TMOD3: variants seen among roughly 807,000 people sequenced by gnomAD.
TMOD3 encodes tropomodulin 3.
TMOD3 carries 20 observed loss-of-function variants against 39.2 expected under a neutral mutation model. The ratio of observed to expected loss-of-function variants is 0.51; its 90% CI spans 0.36 to 0.74. The LOEUF (loss-of-function observed/expected upper bound fraction) is 0.74, where lower values mean the gene tolerates loss of function less well. TMOD3 is among the 30% of genes least tolerant of loss of function. The pLI, the probability that TMOD3 is intolerant of heterozygous loss-of-function variation, is 0.00. For missense variants in TMOD3, 381 were observed against 412.8 expected (o/e 0.92, Z 0.67); for synonymous variants, 143 against 145.8 (o/e 0.98, Z 0.14).
chr15:51,903,324 A>C (rs1411214471), intron 9 of TMOD3, among the ~76,000 whole-genome samples: 1 of 152,272 alleles, frequency 6.6e-6, no homozygotes, highest in African/African-American at 2.4e-5. Flanking sequence ...TGACTCTTTT[A>C]AATTAGGATG....
intron 5 of TMOD3, among the ~76,000 whole-genome samples, chr15:51,891,090 A>G (rs1334474910): frequency 6.6e-6 from 1 of 152,138 alleles, no homozygotes; most frequent in Non-Finnish European, 1.5e-5. Flanking sequence ...TATTTTCTTC[A>G]TATCATGTAA....
chr15:51,892,791 A>G (rs1169853972), intron 5 of TMOD3, among the ~76,000 whole-genome samples: 2 of 152,164 alleles, frequency 1.3e-5, no homozygotes, highest in Admixed American at 6.5e-5. Flanking sequence ...GAGATGCTAG[A>G]TTTTATCATA....
intron 3 of TMOD3, among the ~76,000 whole-genome samples, chr15:51,874,759 T>A (rs1411878499): frequency 6.6e-6 from 1 of 152,044 alleles, no homozygotes; most frequent in Non-Finnish European, 1.5e-5. Flanking sequence ...AGACTAAGAA[T>A]TTTTTTTCCC....
intron 1 of TMOD3, among the ~76,000 whole-genome samples, chr15:51,858,570 GT>G (rs1171956485): frequency 2.0e-5 from 3 of 151,856 alleles, no homozygotes; most frequent in Admixed American, 6.6e-5. Flanking sequence ...ATTTGCTTGT[GT>G]TTTTTTTCCC....
chr15:51,842,833 A>C (rs1232691163), intron 1 of TMOD3, among the ~76,000 whole-genome samples: 4 of 152,046 alleles, frequency 2.6e-5, no homozygotes, highest in Non-Finnish European at 5.9e-5. Context: ...CTCTTGAAAA[A>C]CCTATTGTAA....
chr15:51,878,258 A>G (rs1391522693), intron 3 of TMOD3, among the ~76,000 whole-genome samples: 1 of 152,140 alleles, frequency 6.6e-6, no homozygotes, highest in Non-Finnish European at 1.5e-5. Context: ...CTGGCCAGGT[A>G]TGGTAACTCA....
chr15:51,877,401 C>G (rs973189198), intron 3 of TMOD3, among the ~76,000 whole-genome samples: 15 of 152,024 alleles, frequency 9.9e-5, no homozygotes, highest in African/African-American at 3.6e-4. Flanking sequence ...TTAGGTGGGC[C>G]AGGCACGGTG....
chr15:51,898,218 C>A (rs1463615137), intron 7 of TMOD3, among the ~76,000 whole-genome samples: 1 of 152,218 alleles, frequency 6.6e-6, no homozygotes, highest in Non-Finnish European at 1.5e-5. Flanking sequence ...CTTCAGCATG[C>A]CATGTGGACT....
At chr15:51,886,109 G>A (rs180676592) in intron 3 of TMOD3, among the ~76,000 whole-genome samples, 4,702 of 151,922 alleles carry the variant, frequency 0.031, 114 homozygotes, top group Non-Finnish European at 0.05. Flanking sequence ...CAGACGGGGT[G>A]GCGGTCGGGC....
At chr15:51,898,618 C>T (rs1405314053) in intron 7 of TMOD3, among the ~76,000 whole-genome samples, 1 of 152,188 alleles carries the variant, frequency 6.6e-6, no homozygotes, top group Non-Finnish European at 1.5e-5. Context: ...GGTCACATAG[C>T]TAGTTGTTGC....
intron 1 of TMOD3, among the ~76,000 whole-genome samples, chr15:51,850,039 T>G (rs2056353681): frequency 6.6e-6 from 1 of 151,782 alleles, no homozygotes; most frequent in East Asian, 1.9e-4. Flanking sequence ...GAAAGCCAGA[T>G]GGGAGAATAT....
intron 3 of TMOD3, among the ~76,000 whole-genome samples, chr15:51,881,244 C>G (rs1193841997): frequency 6.6e-6 from 1 of 151,556 alleles, no homozygotes; most frequent in African/African-American, 2.4e-5. Flanking sequence ...TATACATATT[C>G]TTTGTAGAAA....
At chr15:51,867,105 T>C (rs1326183723) in intron 2 of TMOD3, among the ~76,000 whole-genome samples, 2 of 152,042 alleles carry the variant, frequency 1.3e-5, no homozygotes, top group Non-Finnish European at 2.9e-5. Flanking sequence ...CCAGTGTGAC[T>C]GGAATGGAGA....
At chr15:51,887,064 C>G (rs567191890) in intron 3 of TMOD3, among the ~76,000 whole-genome samples, 2 of 151,874 alleles carry the variant, frequency 1.3e-5, no homozygotes, top group South Asian at 4.2e-4. Flanking sequence ...ACTAAAAATA[C>G]AAAAATTAGC....
At chr15:51,840,500 T>C (rs1431730082) in intron 1 of TMOD3, among the ~76,000 whole-genome samples, 5 of 152,246 alleles carry the variant, frequency 3.3e-5, no homozygotes, top group African/African-American at 1.2e-4. Flanking sequence ...ATGAGATGGT[T>C]ACTCTTATTA....
At chr15:51,891,244 C>CTTTTTT (rs56932356) in intron 5 of TMOD3, among the ~76,000 whole-genome samples, 1 of 130,262 alleles carries the variant, frequency 7.7e-6, no homozygotes, top group Admixed American at 7.6e-5. Context: ...AACCTCTTTC[C>CTTTTTT]TTTTTTTTTT....
At chr15:51,892,695 A>G (rs1219780262) in intron 5 of TMOD3, among the ~76,000 whole-genome samples, 1 of 151,992 alleles carries the variant, frequency 6.6e-6, no homozygotes, top group Non-Finnish European at 1.5e-5. Context: ...CCATCACCTT[A>G]TTCTTCTCAT....
intron 3 of TMOD3, among the ~76,000 whole-genome samples, chr15:51,871,337 T>G (rs2141690611): frequency 6.6e-6 from 1 of 152,214 alleles, no homozygotes; most frequent in East Asian, 1.9e-4. Context: ...TGTCAGTGTT[T>G]ATGGCTTTAA....
At chr15:51,855,808 G>A (rs2056384870) in intron 1 of TMOD3, among the ~76,000 whole-genome samples, 1 of 152,212 alleles carries the variant, frequency 6.6e-6, no homozygotes, top group African/African-American at 2.4e-5. Context: ...GCAAAGCAAA[G>A]CACTCCTTCC....
Sources: allele counts gnomAD v4.1 joint callset (sites outside exome capture counted in the v4.1 genomes callset), GRCh38; gene constraint gnomAD v4.1.1; transcripts MANE v1.5; gene names NCBI Gene and HGNC (gene_info 2026-07-23, HGNC 2026-07-21).